Variants in GPC5 observed in about 807,000 individuals in gnomAD.
GPC5 encodes glypican-5.
A neutral mutation model predicts 53.9 loss-of-function variants in GPC5; 47 were observed. The observed-to-expected ratio is 0.87, with a 90% CI of 0.69 to 1.11. The LOEUF (loss-of-function observed/expected upper bound fraction) is 1.11, where lower values mean the gene tolerates loss of function less well. GPC5 is among the 50% of genes most tolerant of loss of function. The probability of loss-of-function intolerance (pLI) is 0.00; values close to 1 mark genes in which losing one functional copy is unlikely to be tolerated. For missense variants in GPC5, 748 were observed against 713.1 expected (o/e 1.05, Z -0.56); for synonymous variants, 286 against 263.3 (o/e 1.09, Z -0.84).
intron 6 of GPC5, among the ~76,000 whole-genome samples, chr13:91,913,808 A>G (rs933593370): frequency 6.6e-6 from 1 of 152,148 alleles, no homozygotes; most frequent in Non-Finnish European, 1.5e-5. Flanking sequence ...GAAACAGGCA[A>G]TATTTGTCCT....
At chr13:91,437,265 G>A (rs955499846) in intron 1 of GPC5, among the ~76,000 whole-genome samples, 17 of 152,164 alleles carry the variant, frequency 1.1e-4, no homozygotes, top group African/African-American at 3.9e-4. Context: ...GTTGGTTGAT[G>A]CAGTTTCTTC....
intron 7 of GPC5, among the ~76,000 whole-genome samples, chr13:92,179,005 T>C (rs1199342864): frequency 3.9e-5 from 6 of 152,134 alleles, no homozygotes; most frequent in Admixed American, 3.9e-4. Flanking sequence ...AACTAGTTTA[T>C]TGTATTTTTA....
chr13:91,989,083 C>G (rs1373637114), intron 6 of GPC5, among the ~76,000 whole-genome samples: 1 of 149,690 alleles, frequency 6.7e-6, no homozygotes, highest in Non-Finnish European at 1.5e-5. Flanking sequence ...CCTCATTACC[C>G]TCCGCTGAAC....
intron 7 of GPC5, among the ~76,000 whole-genome samples, chr13:92,385,523 TGC>T (rs1566567797): frequency 0.012 from 1,679 of 137,608 alleles, 98 homozygotes; most frequent in African/African-American, 0.045. Context: ...TACATACATA[TGC>T]ATATATACAT....
At chr13:92,736,543 G>T (rs994298816) in intron 7 of GPC5, among the ~76,000 whole-genome samples, 6 of 151,684 alleles carry the variant, frequency 4.0e-5, no homozygotes, top group Admixed American at 6.6e-5. Flanking sequence ...CTCATATTTT[G>T]TATGTCCACA....
At chr13:92,827,504 G>C (rs1877892138) in intron 7 of GPC5, among the ~76,000 whole-genome samples, 1 of 152,066 alleles carries the variant, frequency 6.6e-6, no homozygotes, top group East Asian at 1.9e-4. Context: ...GGTAGGTCAG[G>C]CATGTCTTCT....
intron 6 of GPC5, among the ~76,000 whole-genome samples, chr13:91,950,458 A>G (rs2139058727): frequency 6.7e-6 from 1 of 149,058 alleles, no homozygotes; most frequent in East Asian, 2.1e-4. Flanking sequence ...GGGAACTTTT[A>G]TTACTCTACC....
At chr13:91,882,998 AT>A (rs1274790853) in intron 5 of GPC5, among the ~76,000 whole-genome samples, 1 of 152,142 alleles carries the variant, frequency 6.6e-6, no homozygotes, top group Non-Finnish European at 1.5e-5. Context: ...CAACCACTTC[AT>A]TATATCTCAT....
At chr13:91,555,930 G>A (rs563676500) in intron 2 of GPC5, among the ~76,000 whole-genome samples, 13 of 152,086 alleles carry the variant, frequency 8.5e-5, no homozygotes, top group African/African-American at 2.9e-4. Flanking sequence ...CACAACACAT[G>A]GGAATCATGG....
intron 7 of GPC5, among the ~76,000 whole-genome samples, chr13:92,721,209 T>A (rs1888500179): frequency 6.6e-6 from 1 of 152,016 alleles, no homozygotes; most frequent in Admixed American, 6.6e-5. Flanking sequence ...ATCTATATGA[T>A]GTCCCAGAAA....
chr13:92,816,482 C>T (rs1877481368), intron 7 of GPC5, among the ~76,000 whole-genome samples: 2 of 152,100 alleles, frequency 1.3e-5, no homozygotes, highest in Admixed American at 6.5e-5. Flanking sequence ...TTACTCATTT[C>T]GGAAAGATTT....
intron 6 of GPC5, among the ~76,000 whole-genome samples, chr13:91,955,113 C>T (rs2040061102): frequency 1.3e-5 from 2 of 152,112 alleles, no homozygotes. Flanking sequence ...GATCATGTCC[C>T]TGGACTAGAA....
chr13:91,781,723 G>A (rs781552711), intron 5 of GPC5, among the ~76,000 whole-genome samples: 2 of 152,098 alleles, frequency 1.3e-5, no homozygotes, highest in African/African-American at 2.4e-5. Flanking sequence ...GAATCCACCC[G>A]AGTGCATTCT....
chr13:91,868,429 G>A (rs1267735741), intron 5 of GPC5, among the ~76,000 whole-genome samples: 1 of 152,186 alleles, frequency 6.6e-6, no homozygotes, highest in Non-Finnish European at 1.5e-5. Context: ...AGACAAGGCT[G>A]GGCATGGTGC....
At chr13:92,070,560 C>T (rs1220184656) in intron 6 of GPC5, among the ~76,000 whole-genome samples, 1 of 152,110 alleles carries the variant, frequency 6.6e-6, no homozygotes, top group East Asian at 1.9e-4. Context: ...ACTGTAATCC[C>T]CTTTTATAGG....
At chr13:92,652,256 T>A (rs1885983402) in intron 7 of GPC5, among the ~76,000 whole-genome samples, 1 of 152,214 alleles carries the variant, frequency 6.6e-6, no homozygotes, top group African/African-American at 2.4e-5. Context: ...CTTTCCTTAA[T>A]CCATTATTCC....
chr13:92,340,660 T>C (rs1032340282), intron 7 of GPC5: 1 of 152,192 alleles, frequency 6.6e-6, no homozygotes, highest in South Asian at 2.1e-4. Flanking sequence ...TGCTTTTTCT[T>C]TGATTTTTGA....
At chr13:92,184,704 AGT>A (rs1427119786) in intron 7 of GPC5, among the ~76,000 whole-genome samples, 1 of 152,226 alleles carries the variant, frequency 6.6e-6, no homozygotes, top group African/African-American at 2.4e-5. Context: ...AGCCTATCTA[AGT>A]GTGTGTAATG....
At chr13:92,570,259 C>T (rs529851972) in intron 7 of GPC5, among the ~76,000 whole-genome samples, 41 of 152,060 alleles carry the variant, frequency 2.7e-4, no homozygotes, top group Non-Finnish European at 1.9e-4. Context: ...ATTTCTAAGT[C>T]AATTCAAGTA....
Sources: gnomAD v4.1 joint callset for allele counts (sites outside exome capture counted in the v4.1 genomes callset) on GRCh38, gnomAD v4.1.1 for gene constraint, MANE v1.5 for transcripts, NCBI Gene and HGNC (gene_info 2026-07-23, HGNC 2026-07-21) for gene names.